The following PABPC4L variants were observed in gnomAD, a reference collection of about 807,000 sequenced individuals.
PABPC4L encodes the protein poly(A) binding protein cytoplasmic 4 like.
For synonymous variants in PABPC4L, 169 were observed against 164.1 expected, an observed-to-expected ratio of 1.03 and a Z score of -0.23; for missense variants, 452 against 451.4, an observed-to-expected ratio of 1.00 and a Z score of -0.01.
At chr4:134,095,117 T>A in the PABPC4L span, among the ~76,000 whole-genome samples, 125 of 151,852 alleles carry the variant, frequency 8.2e-4, 2 homozygotes, top group South Asian at 0.025. Flanking sequence ...TCTTGGTAAA[T>A]TTTTTTTAAT....
At chr4:134,162,056 C>A in the PABPC4L span, among the ~76,000 whole-genome samples, 1 of 151,240 alleles carries the variant, frequency 6.6e-6, no homozygotes, top group Admixed American at 6.6e-5. Context: ...ATTGTAATCC[C>A]AAAGCAAAAA....
the PABPC4L span, among the ~76,000 whole-genome samples, chr4:134,137,963 A>G: frequency 3.3e-4 from 50 of 151,926 alleles, 2 homozygotes; most frequent in East Asian, 9.3e-3. Flanking sequence ...TTGAGCCCAT[A>G]TGTGAGAAAT....
chr4:133,962,040 C>T, the PABPC4L span, among the ~76,000 whole-genome samples: 1 of 152,066 alleles, frequency 6.6e-6, no homozygotes, highest in East Asian at 1.9e-4. Flanking sequence ...AGAAAAAGGA[C>T]CCCCCAGTAA....
At chr4:133,954,518 T>C in the PABPC4L span, among the ~76,000 whole-genome samples, 2 of 152,080 alleles carry the variant, frequency 1.3e-5, no homozygotes, top group Non-Finnish European at 2.9e-5. Context: ...TGTTTTTCTT[T>C]GTCGGTGGTT....
At chr4:133,982,599 G>A in the PABPC4L span, among the ~76,000 whole-genome samples, 4 of 151,932 alleles carry the variant, frequency 2.6e-5, no homozygotes, top group Admixed American at 1.3e-4. Context: ...ATAGTAAGAA[G>A]TTTCAAATAT....
the PABPC4L span, among the ~76,000 whole-genome samples, chr4:134,120,562 T>C: frequency 6.6e-6 from 1 of 151,034 alleles, no homozygotes; most frequent in Non-Finnish European, 1.5e-5. Context: ...TTTTTTTAGT[T>C]TTTGTTTGAA....
chr4:134,136,257 G>A, the PABPC4L span, among the ~76,000 whole-genome samples: 3 of 152,078 alleles, frequency 2.0e-5, no homozygotes, highest in Admixed American at 6.6e-5. Context: ...TATTGAGCTT[G>A]TTCATGTTGA....
rs1729784936 is a variant in PABPC4L, at chr4:134,199,773, G to A, written c.*134C>T. On this transcript the variant is annotated 3_prime_UTR_variant, in exon 2 of 2. Transcript: ENST00000421491. ...AAAAAAATGGCTTTGTATAAAAAAC[G>A]TTTTATCATAAAGTTTACTAAACTA... The A allele has an allele frequency of 1.7e-6, 2 of 1,189,516 alleles. No homozygotes were observed. Among genetic ancestry groups the A allele is most frequent in the Non-Finnish European group, 2.3e-6 (2 of 884,418 alleles). 73.7% of individuals were successfully genotyped at this position (1,189,516 alleles called of 1,614,324 possible).
the PABPC4L span, among the ~76,000 whole-genome samples, chr4:134,164,583 T>C: frequency 6.6e-6 from 1 of 152,038 alleles, no homozygotes; most frequent in Non-Finnish European, 1.5e-5. Context: ...TGAAAGATCA[T>C]TACAAGGAGA....
the PABPC4L span, among the ~76,000 whole-genome samples, chr4:134,067,595 T>C: frequency 1.3e-5 from 2 of 152,116 alleles, no homozygotes; most frequent in Non-Finnish European, 2.9e-5. Flanking sequence ...CTCTTGTTTA[T>C]CTAGTTTCTT....
the PABPC4L span, among the ~76,000 whole-genome samples, chr4:133,951,652 A>G: frequency 6.6e-6 from 1 of 152,152 alleles, no homozygotes; most frequent in East Asian, 1.9e-4. Flanking sequence ...TGTTACAAAC[A>G]TATGAAACAT....
the PABPC4L span, among the ~76,000 whole-genome samples, chr4:134,051,475 T>C: frequency 6.6e-6 from 1 of 152,184 alleles, no homozygotes; most frequent in Non-Finnish European, 1.5e-5. Flanking sequence ...GAGTTTGCAA[T>C]GTGGAGAACT....
chr4:134,079,973 A>AT, the PABPC4L span, among the ~76,000 whole-genome samples: 6 of 152,054 alleles, frequency 3.9e-5, no homozygotes, highest in Admixed American at 2.0e-4. Context: ...CCTGGTATTA[A>AT]TTTTTTTCCA....
chr4:133,995,990 C>G, the PABPC4L span, among the ~76,000 whole-genome samples: 1 of 152,132 alleles, frequency 6.6e-6, no homozygotes, highest in Non-Finnish European at 1.5e-5. Flanking sequence ...GGTTCATACA[C>G]CTGATTGACT....
chr4:134,027,232 A>T, the PABPC4L span, among the ~76,000 whole-genome samples: 1 of 152,078 alleles, frequency 6.6e-6, no homozygotes, highest in Admixed American at 6.6e-5. Context: ...GCCAGCTGAC[A>T]TGTAAGAAGT....
chr4:133,972,495 C>T, the PABPC4L span, among the ~76,000 whole-genome samples: 1 of 152,074 alleles, frequency 6.6e-6, no homozygotes, highest in Admixed American at 6.6e-5. Context: ...TCAGATGAGT[C>T]CATCTCTGGG....
chr4:133,971,875 T>C, the PABPC4L span, among the ~76,000 whole-genome samples: 1 of 152,232 alleles, frequency 6.6e-6, no homozygotes, highest in African/African-American at 2.4e-5. Flanking sequence ...ATGTATTGTC[T>C]GACTTTTAAA....
the PABPC4L span, among the ~76,000 whole-genome samples, chr4:134,040,598 C>T: frequency 6.6e-6 from 1 of 151,996 alleles, no homozygotes; most frequent in Non-Finnish European, 1.5e-5. Flanking sequence ...AAAACTTATA[C>T]ATAAGATCTA....
At chr4:134,176,260 T>C in the PABPC4L span, among the ~76,000 whole-genome samples, 2 of 152,036 alleles carry the variant, frequency 1.3e-5, no homozygotes, top group African/African-American at 4.8e-5. Flanking sequence ...AATAGATAAA[T>C]GATTATAAGC....
Sources: allele counts gnomAD v4.1 joint callset (sites outside exome capture counted in the v4.1 genomes callset), GRCh38; gene constraint gnomAD v4.1.1; transcripts MANE v1.5; gene names NCBI Gene and HGNC (gene_info 2026-07-23, HGNC 2026-07-21).